The following ECT2 variants were observed in gnomAD, a reference collection of about 807,000 sequenced individuals.
The protein encoded by ECT2 is protein ECT2.
ECT2 carries 61 observed loss-of-function variants against 116.9 expected under a neutral mutation model. That is an observed-to-expected ratio of 0.52 (90% CI 0.42 to 0.65). The LOEUF (loss-of-function observed/expected upper bound fraction) is 0.65. ECT2 is among the 30% of genes least tolerant of loss of function. ECT2 has a pLI of 0.00. For synonymous variants in ECT2, 358 were observed against 346.4 expected (o/e 1.03, Z -0.37); for missense variants, 937 against 1,078.7 (o/e 0.87, Z 1.84).
intron 2 of ECT2, among the ~76,000 whole-genome samples, chr3:172,755,050 A>G (rs1716684832): frequency 6.6e-6 from 1 of 151,912 alleles, no homozygotes; most frequent in African/African-American, 2.4e-5. Context: ...AAGATAGCGC[A>G]TTCTCTGGCT....
rs538285089 is a variant in ECT2 at position 172,802,183 on chromosome 3, T to G, written c.1908-433T>G. Among the ~76,000 whole-genome samples, 4 of 152,184 alleles carry G rather than the reference T, an allele frequency of 2.6e-5. No homozygotes were observed. In the East Asian group the frequency reaches 7.7e-4, roughly 29 times the overall value. On this transcript the variant is annotated intron_variant, in intron 18 of 24. Coordinates refer to ENST00000392692, the MANE Select transcript of ECT2 (RefSeq NM_001258315.2). ...AGACTGGAGTGGAATGGTGTGATCTTGACTCACTGCAACCTCCTCCTCCTG... is the reference window on the plus strand; with the variant it reads ...AGACTGGAGTGGAATGGTGTGATCTGGACTCACTGCAACCTCCTCCTCCTG...
intron 1 of ECT2, chr3:172,752,147 T>A (rs993317363): frequency 6.6e-6 from 1 of 151,736 alleles, no homozygotes; most frequent in Non-Finnish European, 1.5e-5. Context: ...TTTTTTTTTT[T>A]AGACGGAGTC....
At chr3:172,806,017 A>G (rs1229257092) in intron 21 of ECT2, 148 bp downstream of exon 21, 1 of 772,354 alleles carries the variant, frequency 1.3e-6, no homozygotes, top group African/African-American at 1.8e-5. Flanking sequence ...TTGCACCTCT[A>G]TCCCATCTCC....
intron 24 of ECT2, chr3:172,818,841 G>T: frequency 1.6e-5 from 18 of 1,118,622 alleles, no homozygotes; most frequent in South Asian, 7.9e-5. Flanking sequence ...TTTAAAATTT[G>T]TATTTGCGGG....
intron 24 of ECT2, among the ~76,000 whole-genome samples, chr3:172,817,266 T>A (rs1360020727): frequency 1.3e-5 from 2 of 152,126 alleles, no homozygotes; most frequent in Admixed American, 6.6e-5. Flanking sequence ...CGTCATTTTT[T>A]AAATATTTAT....
chr3:172,823,006 C>T (rs1379208542), downstream of ECT2, among the ~76,000 whole-genome samples: 1 of 151,916 alleles, frequency 6.6e-6, no homozygotes, highest in African/African-American at 2.4e-5. Flanking sequence ...AACTTAAAAT[C>T]AAGCATGCAC....
At chr3:172,787,045 T>A (rs1363949838) in intron 18 of ECT2, among the ~76,000 whole-genome samples, 1 of 152,148 alleles carries the variant, frequency 6.6e-6, no homozygotes, top group Non-Finnish European at 1.5e-5. Flanking sequence ...AAGTATAAAT[T>A]CAATGAAATT....
In ECT2 at chr3:172,795,449, T is replaced by C. The variant is rs1278583495; in HGVS notation, c.1908-7167T>C. Among the ~76,000 whole-genome samples, 7 of 152,176 alleles carry C rather than the reference T, an allele frequency of 4.6e-5. No homozygotes were observed. In the South Asian group the frequency reaches 1.4e-3, roughly 32 times the overall value. On this transcript the variant is annotated intron_variant, in intron 18 of 24. Transcript: ENST00000392692. The stretch of plus-strand genomic sequence containing the variant: ...AAGTCATGGAGCTTTAAGTCCAGCC[T>C]AAAATGAAATGATCTTCATGTAATT...
In ECT2 at chr3:172,820,304, AAAT is replaced by A. The variant is rs1730529723; in HGVS notation, c.*68_*70del. On this transcript the variant is annotated 3_prime_UTR_variant, in exon 25 of 25. Coordinates refer to ENST00000392692, the MANE Select transcript of ECT2 (RefSeq NM_001258315.2). ...TCATACTCAAATAAGAAACTGACTT[AAAT>A]GGTACTTGTAATTAGCACTTGGTGA... 14 of 1,131,652 alleles carry A rather than the reference AAAT, an allele frequency of 1.2e-5. No homozygotes were observed. Among genetic ancestry groups the A allele is most frequent in the Non-Finnish European group, 1.6e-5 (13 of 804,880 alleles). 70.1% of individuals were successfully genotyped at this position (1,131,652 alleles called of 1,614,324 possible). A position where few individuals can be genotyped will look rare whatever the true frequency, so the allele number is the denominator to read the frequency against.
chr3:172,812,396 T>C (rs1039697961), intron 22 of ECT2, among the ~76,000 whole-genome samples: 3 of 152,200 alleles, frequency 2.0e-5, no homozygotes, highest in African/African-American at 7.2e-5. Context: ...GGTGACTCTT[T>C]GGTATATGTG....
chr3:172,812,734 G>T (rs1309750448), intron 22 of ECT2, among the ~76,000 whole-genome samples: 1 of 152,112 alleles, frequency 6.6e-6, no homozygotes, highest in Non-Finnish European at 1.5e-5. Flanking sequence ...ATATTTAAAT[G>T]TCAAAACATT....
chr3:172,800,102 G>C (rs557095116), intron 18 of ECT2, among the ~76,000 whole-genome samples: 1 of 152,308 alleles, frequency 6.6e-6, no homozygotes, highest in South Asian at 2.1e-4. Context: ...TAGCTTTGCT[G>C]TCAGAGAAAG....
chr3:172,805,007 A>C (rs1727414302), intron 20 of ECT2, among the ~76,000 whole-genome samples: 1 of 152,092 alleles, frequency 6.6e-6, no homozygotes, highest in Non-Finnish European at 1.5e-5. Flanking sequence ...ATAAAATAAA[A>C]ACTTATAATC....
chr3:172,779,906 A>AAAAG (rs1183609962), intron 14 of ECT2, among the ~76,000 whole-genome samples: 2 of 151,980 alleles, frequency 1.3e-5, no homozygotes, highest in African/African-American at 4.8e-5. Flanking sequence ...AAAAAAAAAA[A>AAAAG]AAAGAAAGAA....
intron 18 of ECT2, among the ~76,000 whole-genome samples, chr3:172,794,879 T>TC (rs2108878890): frequency 1.3e-5 from 2 of 152,044 alleles, no homozygotes; most frequent in Non-Finnish European, 2.9e-5. Flanking sequence ...CACACCTGGC[T>TC]AATTTTTTTT....
At chr3:172,769,928 G>T (rs1342746357) in intron 13 of ECT2, among the ~76,000 whole-genome samples, 1 of 152,006 alleles carries the variant, frequency 6.6e-6, no homozygotes, top group Non-Finnish European at 1.5e-5. Context: ...TTCTGATTTG[G>T]GTTTAGTTTT....
chr3:172,811,900 A>G (rs553900265), intron 22 of ECT2, among the ~76,000 whole-genome samples: 13 of 152,290 alleles, frequency 8.5e-5, no homozygotes, highest in African/African-American at 3.1e-4. Flanking sequence ...CTGTCTGGCT[A>G]ATCTGTCTTT....
chr3:172,757,037 GA>G lies in ECT2; in HGVS notation c.359del (p.Asp120ValfsTer10). ...MESVEEFEGL[D>X]SPEFENVFVV... Reference sequence around the variant, plus strand: ...GTCAGTGGAAGAATTTGAAGGTTTGGATTCTCCGGAATTTGAAAATGTATTT... The same window carrying G: ...GTCAGTGGAAGAATTTGAAGGTTTGGTTCTCCGGAATTTGAAAATGTATTT... On this transcript the variant is annotated frameshift_variant, in exon 5 of 25. Transcript: ENST00000392692. LOFTEE classifies it high-confidence loss of function. 2.5e-6 allele frequency: 4 copies of G among 1,611,808 alleles called. No homozygotes were observed. The highest frequency in any genetic ancestry group is 3.4e-6 in the Non-Finnish European group (4 of 1,179,232).
At chr3:172,752,687 G>A (rs921605850) in intron 1 of ECT2, among the ~76,000 whole-genome samples, 6 of 152,142 alleles carry the variant, frequency 3.9e-5, no homozygotes, top group Non-Finnish European at 8.8e-5. Context: ...TGACATGGAT[G>A]TATGGTAAAG....
Sources: gnomAD v4.1 joint callset for allele counts (sites outside exome capture counted in the v4.1 genomes callset) on GRCh38, gnomAD v4.1.1 for gene constraint, MANE v1.5 for transcripts, NCBI Gene and HGNC (gene_info 2026-07-23, HGNC 2026-07-21) for gene names.